RAB6B: variants seen among roughly 807,000 people sequenced by gnomAD.
RAB6B encodes the protein RAB6B, member RAS oncogene family.
Under a neutral mutation model 31.2 loss-of-function variants are expected in RAB6B, and 7 were observed. That is an observed-to-expected ratio of 0.22 (90% CI 0.13 to 0.42). The LOEUF is 0.42. RAB6B is among the 10% of genes least tolerant of loss of function. RAB6B has a pLI of 1.00. For synonymous variants in RAB6B, 105 were observed against 104.9 expected, an observed-to-expected ratio of 1.00 and a Z score of -0.01; for missense variants, 149 against 280.6, an observed-to-expected ratio of 0.53 and a Z score of 3.35.
chr3:133,869,766 T>C (rs541479773), intron 1 of RAB6B, among the ~76,000 whole-genome samples: 1 of 151,940 alleles, frequency 6.6e-6, no homozygotes, highest in African/African-American at 2.4e-5. Flanking sequence ...AACCATGCTG[T>C]GAGGAAGCCC....
In RAB6B at chr3:133,895,534, G is replaced by C; in HGVS notation, c.-68C>G. Reference sequence around the variant, plus strand: ...CGAAGGAGCAGGGAGGGGAGAGTAGGAGGGCGAGGGGAGGCGGCCGGCGGT... The same window carrying C: ...CGAAGGAGCAGGGAGGGGAGAGTAGCAGGGCGAGGGGAGGCGGCCGGCGGT... On this transcript the variant is annotated 5_prime_UTR_variant, in exon 1 of 8. Transcript: ENST00000285208. 1 of 1,537,312 alleles carries C rather than the reference G, an allele frequency of 6.5e-7. No individual in the cohort carries two copies. The highest frequency in any genetic ancestry group is 8.9e-7 in the Non-Finnish European group (1 of 1,118,198).
rs560154494 is a variant in RAB6B, at chr3:133,885,173, T to C, written c.70+10224A>G. On this transcript the variant is annotated intron_variant, in intron 1 of 7. Transcript: ENST00000285208. ...GGATGGGCTGCTCACACACCAATGA[T>C]CAGAGGACAAGGGGCTCACACATCC... 2.1e-5 allele frequency among the ~76,000 whole-genome samples: 3 copies of C among 141,912 alleles called. No individual in the cohort carries two copies. The South Asian group carries it at 6.9e-4, about 33-fold the overall frequency. The allele number at this position is 141,912 out of a possible 152,430, so 93.1% of individuals were successfully genotyped here.
chr3:133,852,022 T>A lies in RAB6B; in HGVS notation c.130-10359A>T, dbSNP rs1371318707. Among the ~76,000 whole-genome samples the A allele has an allele frequency of 2.0e-5, 3 of 152,204 alleles. No homozygotes were observed. The East Asian group carries it at 5.8e-4, about 29-fold the overall frequency. On this transcript the variant is annotated intron_variant, in intron 2 of 7. Transcript: ENST00000285208. ...CTCCATGGAGAGCCACAAAGTTAGA[T>A]CTACACTGATGGGCATTCTCCTCGT...
intron 1 of RAB6B, among the ~76,000 whole-genome samples, chr3:133,866,313 G>C (rs1157263315): frequency 6.6e-6 from 1 of 152,182 alleles, no homozygotes; most frequent in African/African-American, 2.4e-5. Flanking sequence ...CCCAGGGTCA[G>C]AGCTGAGTGG....
rs373274918 is a variant in RAB6B at position 133,828,865 on chromosome 3, G to A, written c.563-13C>T. ...TTGATGTCGATCACTGCAGGGGGAC[G>A]GGCTAAGGAAGATGACTCTCCTGGA... On this transcript the variant is annotated splice_polypyrimidine_tract_variant and intron_variant, in intron 7 of 7. Coordinates refer to ENST00000285208, the MANE Select transcript of RAB6B (RefSeq NM_016577.4). The A allele has an allele frequency of 5.1e-4, 814 of 1,603,256 alleles. 16 individuals carry two copies. In the South Asian group the frequency reaches 7.1e-3, roughly 14 times the overall value.
chr3:133,882,447 A>G (rs898262654), intron 1 of RAB6B, among the ~76,000 whole-genome samples: 4 of 152,172 alleles, frequency 2.6e-5, no homozygotes, highest in African/African-American at 9.7e-5. Context: ...TGTCTACCAC[A>G]CCATCTCACA....
chr3:133,892,652 G>T (rs779457036), intron 1 of RAB6B, among the ~76,000 whole-genome samples: 10 of 152,246 alleles, frequency 6.6e-5, no homozygotes, highest in Non-Finnish European at 8.8e-5. Flanking sequence ...CCCATCTCCA[G>T]GGCACTCGGC....
At chr3:133,872,094 C>G (rs1411958596) in intron 1 of RAB6B, among the ~76,000 whole-genome samples, 1 of 152,236 alleles carries the variant, frequency 6.6e-6, no homozygotes, top group Non-Finnish European at 1.5e-5. Flanking sequence ...AAAAGAATCT[C>G]TGCATCCCCG....
At position 133,876,128 on chromosome 3, in the gene RAB6B, C is replaced by T. The variant is rs1192147318; in HGVS notation, c.71-11486G>A. On this transcript the variant is annotated intron_variant, in intron 1 of 7. Transcript: ENST00000285208. ...CCATTCTCCCCAGTGTAGGAGCCTCCTCTGCAGCTATTTTGTAGGCAAATA... is the reference window on the plus strand; with the variant it reads ...CCATTCTCCCCAGTGTAGGAGCCTCTTCTGCAGCTATTTTGTAGGCAAATA... 9.9e-5 allele frequency among the ~76,000 whole-genome samples: 15 copies of T among 152,184 alleles called. 1 individual carries two copies. Among genetic ancestry groups the T allele is most frequent in the Admixed American group, 9.8e-4 (15 of 15,276 alleles).
intron 6 of RAB6B, 45 bp from the exon 7 acceptor site, chr3:133,834,686 C>T (rs748598224): frequency 1.9e-5 from 29 of 1,552,210 alleles, no homozygotes; most frequent in Non-Finnish European, 2.4e-5. Context: ...CCCTGGCCCT[C>T]CCCTCTGCTC....
chr3:133,841,361 A>G lies in RAB6B; in HGVS notation c.213T>C (p.Gly71=), dbSNP rs763742651. The G allele has an allele frequency of 6.8e-6, 11 of 1,614,004 alleles. No individual in the cohort carries two copies. Among genetic ancestry groups the G allele is most frequent in the Non-Finnish European group, 8.5e-6 (10 of 1,179,986 alleles). Reference sequence around the variant, plus strand: ...GGATCAGGCTGCGGAACCTCTCCTGACCAGCTGTGTCCCAGAGCTGCAGTC... The same window carrying G: ...GGATCAGGCTGCGGAACCTCTCCTGGCCAGCTGTGTCCCAGAGCTGCAGTC... ...TVRLQLWDTA[G]QERFRSLIPS... The change falls in exon 4 of 8, where the codon GGT becomes GGC. Residue 71 remains glycine, a synonymous_variant. Transcript: ENST00000285208.
Position 133,827,761 on chromosome 3 carries a change from C to CCCCCCCCCCCCCCCCCCCCCCCCCA in RAB6B, c.*1026_*1027insTGGGGGGGGGGGGGGGGGGGGGGGG. On this transcript the variant is annotated 3_prime_UTR_variant, in exon 8 of 8. Transcript: ENST00000285208. ...TGCAGACAACACCCCCCCCCCCCCC[C>CCCCCCCCCCCCCCCCCCCCCCCCCA]GCCTCCCCATCACAGAGGATCAACT... 1.0e-5 allele frequency: 1 copy of CCCCCCCCCCCCCCCCCCCCCCCCCA among 96,560 alleles called. No homozygotes were observed. Among genetic ancestry groups the CCCCCCCCCCCCCCCCCCCCCCCCCA allele is most frequent in the Non-Finnish European group, 2.2e-5 (1 of 44,542 alleles). The allele number at this position is 96,560 out of a possible 1,614,324, so 6.0% of individuals were successfully genotyped here.
rs769982938 is a variant in RAB6B at position 133,828,152 on chromosome 3, G to T, written c.*636C>A. ...GGCTGCCTAGAGCCCACAGACCTTGGTCTCAGCTCCACACGAGGTTGACGA... is the reference window on the plus strand; with the variant it reads ...GGCTGCCTAGAGCCCACAGACCTTGTTCTCAGCTCCACACGAGGTTGACGA... On this transcript the variant is annotated 3_prime_UTR_variant, in exon 8 of 8. Coordinates refer to ENST00000285208, the MANE Select transcript of RAB6B (RefSeq NM_016577.4). The T allele has an allele frequency of 8.3e-6, 5 of 600,760 alleles. No individual in the cohort carries two copies. The highest frequency in any genetic ancestry group is 1.5e-5 in the Non-Finnish European group (5 of 336,110). The allele number at this position is 600,760 out of a possible 1,614,324, so 37.2% of individuals were successfully genotyped here.
Position 133,827,952 on chromosome 3 carries a change from C to T in RAB6B, c.*836G>A. 2.8e-6 allele frequency: 2 copies of T among 703,002 alleles called. No homozygotes were observed. Among genetic ancestry groups the T allele is most frequent in the South Asian group, 1.5e-5 (1 of 67,598 alleles). 43.5% of individuals were successfully genotyped at this position (703,002 alleles called of 1,614,324 possible). A position where few individuals can be genotyped will look rare whatever the true frequency, so the allele number is the denominator to read the frequency against. ...TACACATGGCACCCCAGTCTATAAA[C>T]CACGCACCACGCAGCTGCAATTGCC... On this transcript the variant is annotated 3_prime_UTR_variant, in exon 8 of 8. Transcript: ENST00000285208.
chr3:133,867,681 G>C (rs778004962), intron 1 of RAB6B, among the ~76,000 whole-genome samples: 2 of 152,156 alleles, frequency 1.3e-5, no homozygotes, highest in Non-Finnish European at 2.9e-5. Flanking sequence ...TTCCCCACTT[G>C]GTAGGGGCTT....
intron 4 of RAB6B, 140 bp downstream of exon 4, chr3:133,841,144 TG>T: frequency 1.3e-6 from 1 of 755,606 alleles, no homozygotes; most frequent in Non-Finnish European, 2.2e-6. Flanking sequence ...CCTGCCTTTC[TG>T]CATTCAGGGA....
intron 7 of RAB6B, among the ~76,000 whole-genome samples, chr3:133,832,180 C>T (rs375698804): frequency 1.3e-5 from 2 of 152,026 alleles, no homozygotes; most frequent in Non-Finnish European, 2.9e-5. Flanking sequence ...ATGTGATGGG[C>T]GCATACTGTA....
intron 1 of RAB6B, among the ~76,000 whole-genome samples, chr3:133,878,543 G>T (rs1375771823): frequency 1.3e-5 from 2 of 152,168 alleles, no homozygotes; most frequent in African/African-American, 4.8e-5. Context: ...GTTAAAGAAA[G>T]TCCTTCAGGA....
intron 1 of RAB6B, among the ~76,000 whole-genome samples, chr3:133,869,107 G>C (rs1936281525): frequency 6.6e-6 from 1 of 152,176 alleles, no homozygotes; most frequent in South Asian, 2.1e-4. Flanking sequence ...GAAAGGCTGT[G>C]GGTGGGGGTG....
Sources: allele counts gnomAD v4.1 joint callset (sites outside exome capture counted in the v4.1 genomes callset), GRCh38; gene constraint gnomAD v4.1.1; transcripts MANE v1.5; gene names NCBI Gene and HGNC (gene_info 2026-07-23, HGNC 2026-07-21).